TYW1B: variants seen among roughly 807,000 people sequenced by gnomAD.
TYW1B encodes tRNA-yW synthesizing protein 1 homolog B, also known as S-adenosyl-L-methionine-dependent tRNA 4-demethylwyosine synthase TYW1B.
A neutral mutation model predicts 86.9 loss-of-function variants in TYW1B; 73 were observed. The observed-to-expected ratio is 0.84, with a 90% CI of 0.70 to 1.02. TYW1B has a LOEUF of 1.02. TYW1B is among the 50% of genes least tolerant of loss of function. The pLI, the probability that TYW1B is intolerant of heterozygous loss-of-function variation, is 0.00. For synonymous variants in TYW1B, 248 were observed against 292.8 expected, an observed-to-expected ratio of 0.85 and a Z score of 1.56; for missense variants, 637 against 827.4, an observed-to-expected ratio of 0.77 and a Z score of 2.82.
At chr7:72,808,689 G>A (rs1254184323) in intron 4 of TYW1B, among the ~76,000 whole-genome samples, 1 of 151,596 alleles carries the variant, frequency 6.6e-6, no homozygotes, top group Non-Finnish European at 1.5e-5. Context: ...CACCATGCCC[G>A]GCTAATTTTG....
At chr7:72,749,071 T>C (rs1787443411) in intron 7 of TYW1B, among the ~76,000 whole-genome samples, 1 of 152,218 alleles carries the variant, frequency 6.6e-6, no homozygotes, top group South Asian at 2.1e-4. Context: ...GATTTCACTT[T>C]GGGGAGGCTT....
At chr7:72,588,492 G>T (rs1811326653) in intron 13 of TYW1B, among the ~76,000 whole-genome samples, 1 of 152,176 alleles carries the variant, frequency 6.6e-6, no homozygotes, top group Admixed American at 6.5e-5. Context: ...CAAGATGGGA[G>T]GGTGTGGGGG....
chr7:72,781,915 G>T (rs1370695616), intron 6 of TYW1B, among the ~76,000 whole-genome samples: 1 of 152,190 alleles, frequency 6.6e-6, no homozygotes, highest in African/African-American at 2.4e-5. Flanking sequence ...AAACTGACAG[G>T]ACTACATGAA....
chr7:72,597,412 T>C (rs1180161481), intron 13 of TYW1B, among the ~76,000 whole-genome samples: 1 of 152,082 alleles, frequency 6.6e-6, no homozygotes, highest in African/African-American at 2.4e-5. Flanking sequence ...CAACTCAAGA[T>C]AGAAAAATAA....
chr7:72,776,556 CA>C (rs67553013), intron 7 of TYW1B, among the ~76,000 whole-genome samples: 54 of 45,242 alleles, frequency 1.2e-3, no homozygotes, highest in African/African-American at 4.2e-3. Flanking sequence ...GACTCTGTCT[CA>C]AAAAAAAAAA....
At chr7:72,589,428 A>G (rs1554431031) in intron 13 of TYW1B, among the ~76,000 whole-genome samples, 1 of 152,232 alleles carries the variant, frequency 6.6e-6, no homozygotes, top group African/African-American at 2.4e-5. Flanking sequence ...CTGATGATCT[A>G]TTATTCAAGA....
At chr7:72,747,072 C>G (rs782197183) in intron 7 of TYW1B, among the ~76,000 whole-genome samples, 2 of 151,974 alleles carry the variant, frequency 1.3e-5, no homozygotes, top group Non-Finnish European at 2.9e-5. Flanking sequence ...ATTGCTCCAC[C>G]AGCATTTGTT....
intron 6 of TYW1B, among the ~76,000 whole-genome samples, chr7:72,782,444 C>T (rs1298897295): frequency 6.6e-6 from 1 of 150,824 alleles, no homozygotes; most frequent in African/African-American, 2.4e-5. Context: ...GCTATACAGT[C>T]GGAAACTGAT....
chr7:72,633,156 T>A lies in TYW1B; in HGVS notation c.1507-4159A>T, dbSNP rs144835075. Among the ~76,000 whole-genome samples, 757 of 152,252 alleles carry A rather than the reference T, an allele frequency of 5.0e-3. 2 individuals carry two copies. The highest frequency in any genetic ancestry group is 0.017 in the African/African-American group (719 of 41,524). ...AAGTTACTGCCCCTTTCCTAGAAAG[T>A]TCTAAATAACACACCCCTTTATTTG... On this transcript the variant is annotated intron_variant, in intron 11 of 13. Transcript: ENST00000620995.
chr7:72,768,276 A>G (rs1408845541), intron 7 of TYW1B, among the ~76,000 whole-genome samples: 1 of 151,846 alleles, frequency 6.6e-6, no homozygotes, highest in Non-Finnish European at 1.5e-5. Flanking sequence ...GGCTTCTTCC[A>G]TACAGGTTGC....
rs1788704949 is a variant in TYW1B, at chr7:72,815,444, AG to A, written c.172del (p.Leu58TrpfsTer10). On this transcript the variant is annotated frameshift_variant, in exon 3 of 14. Coordinates refer to ENST00000620995, the MANE Select transcript of TYW1B (RefSeq NM_001145440.3). LOFTEE classifies it high-confidence loss of function. The stretch of plus-strand genomic sequence containing the variant: ...ATTAATAATGGCCACAGGCAGATCC[AG>A]GGACGTAACTGCTTCAGCAAGAACT... ...ATVLAEAVTS[L>X]DLPVAIINLK... The A allele has an allele frequency of 6.2e-7, 1 of 1,610,760 alleles. No homozygotes were observed. Among genetic ancestry groups the A allele is most frequent in the Non-Finnish European group, 8.5e-7 (1 of 1,179,416 alleles).
At chr7:72,645,796 CTGAAGGTGCTA>C (rs1266598887) in intron 11 of TYW1B, among the ~76,000 whole-genome samples, 1 of 152,020 alleles carries the variant, frequency 6.6e-6, no homozygotes, top group Non-Finnish European at 1.5e-5. Flanking sequence ...GGAAAGAACT[CTGAAGGTGCTA>C]TTAACATTCT....
At chr7:72,724,092 T>C (rs1404350742) in intron 9 of TYW1B, among the ~76,000 whole-genome samples, 5 of 152,054 alleles carry the variant, frequency 3.3e-5, no homozygotes, top group Admixed American at 6.6e-5. Flanking sequence ...TAACCTAACT[T>C]AGAACACAGA....
At chr7:72,586,923 G>T (rs1236989053) in intron 13 of TYW1B, among the ~76,000 whole-genome samples, 1 of 151,866 alleles carries the variant, frequency 6.6e-6, no homozygotes, top group Non-Finnish European at 1.5e-5. Context: ...GCATTTCAAA[G>T]GCCATATATA....
At chr7:72,774,381 GAAAAAAA>G (rs35641958) in intron 7 of TYW1B, among the ~76,000 whole-genome samples, 1 of 124,916 alleles carries the variant, frequency 8.0e-6, no homozygotes, top group Admixed American at 8.5e-5. Context: ...TGTCCCAGGG[GAAAAAAA>G]AAAAAAAAAA....
chr7:72,744,002 G>T (rs1368082720), intron 8 of TYW1B, among the ~76,000 whole-genome samples: 1 of 130,236 alleles, frequency 7.7e-6, no homozygotes, highest in South Asian at 2.7e-4. Flanking sequence ...ACAATGGGCT[G>T]TAACCAGCTG....
chr7:72,578,114 A>AT (rs11428029), intron 13 of TYW1B, among the ~76,000 whole-genome samples: 45,191 of 129,122 alleles, frequency 0.35, 8,455 homozygotes, highest in East Asian at 0.53. Flanking sequence ...CTTCCTCACC[A>AT]TTTTTTTTTT....
In TYW1B at chr7:72,751,111, C is replaced by T. The variant is rs1787493109; in HGVS notation, c.965-6510G>A. 2.0e-5 allele frequency among the ~76,000 whole-genome samples: 3 copies of T among 151,606 alleles called. No homozygotes were observed. The South Asian group carries it at 6.2e-4, about 31-fold the overall frequency. On this transcript the variant is annotated intron_variant, in intron 7 of 13. Transcript: ENST00000620995. ...GAAGTGCGGTGGTATGATCTTGGCT[C>T]ACTGCAACCTCCACCTCCTGGGTTC... is the stretch of plus-strand genomic sequence containing the variant.
At chr7:72,689,763 G>T (rs1404730013) in intron 11 of TYW1B, among the ~76,000 whole-genome samples, 1 of 152,198 alleles carries the variant, frequency 6.6e-6, no homozygotes, top group Non-Finnish European at 1.5e-5. Context: ...GTTAATTACT[G>T]TGTTAAGGTC....
Sources: gnomAD v4.1 joint callset for allele counts (sites outside exome capture counted in the v4.1 genomes callset) on GRCh38, gnomAD v4.1.1 for gene constraint, MANE v1.5 for transcripts, NCBI Gene and HGNC (gene_info 2026-07-23, HGNC 2026-07-21) for gene names.